The following CCDC42 variants were observed in gnomAD, a reference collection of about 807,000 sequenced individuals.
CCDC42 encodes coiled-coil domain-containing protein 42.
CCDC42 carries 38 observed loss-of-function variants against 40.8 expected under a neutral mutation model. The observed-to-expected ratio is 0.93, with a 90% CI of 0.72 to 1.22. The LOEUF (loss-of-function observed/expected upper bound fraction) is 1.22. Ranked by LOEUF, CCDC42 falls within the 50% of genes most tolerant of loss-of-function variation. CCDC42 has a pLI of 0.00. For synonymous variants in CCDC42, 135 were observed against 157.5 expected (o/e 0.86, Z 1.07); for missense variants, 379 against 416.5 (o/e 0.91, Z 0.78).
Position 8,744,166 on chromosome 17 carries a change from C to G in CCDC42, c.102G>C (p.Glu34Asp), listed in dbSNP as rs766350151. 2 of 1,613,702 alleles carry G rather than the reference C, an allele frequency of 1.2e-6. No homozygotes were observed. The highest frequency in any genetic ancestry group is 2.2e-5 in the South Asian group (2 of 91,008). The change falls in exon 2 of 7, where the codon GAG becomes GAC. Residue 34 changes from glutamate (E) to aspartate (D), a missense_variant. Physicochemically the swap from Glu to Asp is conservative, Grantham distance 45. Coordinates refer to ENST00000293845, the MANE Select transcript of CCDC42 (RefSeq NM_144681.3). Reference protein sequence around the residue: ...LQMLQKLPNVEGASESPSIWL... With the variant: ...LQMLQKLPNVDGASESPSIWL... ...AGATGGATGGGGACTCCGACGCCCC[C>G]TCAACATTGGGGAGTTTCCTGTCCA...
rs139413657 is a variant in CCDC42 at position 8,730,143 on chromosome 17, C to T, written c.938G>A (p.Arg313Gln). The T allele has an allele frequency of 4.3e-6, 7 of 1,613,750 alleles. No homozygotes were observed. Among genetic ancestry groups the T allele is most frequent in the African/African-American group, 2.7e-5 (2 of 74,908 alleles). The change falls in exon 7 of 7, where the codon CGA (arginine) becomes CAA (glutamine). Residue 313 changes from arginine (R) to glutamine (Q), a missense_variant. Arg to Gln is a conservative substitution (Grantham distance 43). Transcript: ENST00000293845. ...WAEVKKKEQQRVRI is the reference protein window; with the variant it reads ...WAEVKKKEQQQVRI The stretch of plus-strand genomic sequence containing the variant: ...AAGGCTGCCTCCTTAAATCCGGACT[C>T]GCTGTTGTTCCTTCTTTTTCACCTC...
chr17:8,742,153 A>G (rs2086649634), intron 3 of CCDC42, among the ~76,000 whole-genome samples: 1 of 152,052 alleles, frequency 6.6e-6, no homozygotes, highest in Non-Finnish European at 1.5e-5. Context: ...AGTGGTGGCC[A>G]TTTTCCATGG....
chr17:8,730,938 G>C (rs950763085), intron 6 of CCDC42, among the ~76,000 whole-genome samples: 6 of 152,214 alleles, frequency 3.9e-5, no homozygotes, highest in African/African-American at 1.4e-4. Context: ...GAAACCCAGA[G>C]CTGATGCTCA....
rs1410669413 is a variant in CCDC42, at chr17:8,735,447, A to T, written c.657T>A (p.Asn219Lys). ...EKDDEILQQN[N>K]ELARLQMRFD... ...AGCGCATCTGCAGCCTTGCCAGCTC[A>T]TTGTTTTGCTGCAGGATCTCATCAT... The change falls in exon 5 of 7, where the codon AAT (asparagine) becomes AAA (lysine). Residue 219 changes from asparagine to lysine, a missense_variant. Asn to Lys is a moderately conservative substitution (Grantham distance 94). Coordinates refer to ENST00000293845, the MANE Select transcript of CCDC42 (RefSeq NM_144681.3). This position sits in a 1 kb window ranked among gnomAD's most constrained non-coding sequence, Gnocchi z 4.7. 3 of 1,613,886 alleles carry T rather than the reference A, an allele frequency of 1.9e-6. No homozygotes were observed.
Position 8,744,103 on chromosome 17 carries a change from A to T in CCDC42, c.165T>A (p.His55Gln). 6.2e-7 allele frequency: 1 copy of T among 1,613,328 alleles called. No individual in the cohort carries two copies. Among genetic ancestry groups the T allele is most frequent in the Non-Finnish European group, 8.5e-7 (1 of 1,179,530 alleles). ...CCTTCTTCTTCTGCACCATAGTTTG[A>T]TGCATGATTTCTGTCTCCTTTTTCT... ...LEKKKETEIM[H>Q]QTMVQKKKMF... The change falls in exon 2 of 7, where the codon CAT (histidine) becomes CAA (glutamine). Residue 55 changes from histidine to glutamine, a missense_variant. His to Gln is a conservative substitution (Grantham distance 24). Coordinates refer to ENST00000293845, the MANE Select transcript of CCDC42 (RefSeq NM_144681.3).
At chr17:8,732,410 G>A (rs951812628) in intron 6 of CCDC42, among the ~76,000 whole-genome samples, 14 of 151,962 alleles carry the variant, frequency 9.2e-5, no homozygotes, top group African/African-American at 2.2e-4. Flanking sequence ...GCTGTCTCTG[G>A]AGATGGAACT....
At chr17:8,741,382 G>A in intron 4 of CCDC42, 92 bp downstream of exon 4, 1 of 1,298,190 alleles carries the variant, frequency 7.7e-7, no homozygotes, top group East Asian at 2.3e-5. Context: ...AGCCAGCTGA[G>A]CCTGAATTCC....
chr17:8,738,007 A>AT (rs1037440459), intron 4 of CCDC42, among the ~76,000 whole-genome samples: 2 of 127,478 alleles, frequency 1.6e-5, no homozygotes, highest in Non-Finnish European at 1.8e-5. Flanking sequence ...TTTTTTGCAG[A>AT]TTTGGGGGGG....
chr17:8,730,580 T>A (rs1450213220), intron 6 of CCDC42, among the ~76,000 whole-genome samples: 1 of 152,156 alleles, frequency 6.6e-6, no homozygotes, highest in Non-Finnish European at 1.5e-5. Flanking sequence ...CCTCAAGTGA[T>A]CCACCCGCCT....
Position 8,744,198 on chromosome 17 carries a change from GA to G in CCDC42, c.84-15del. 2.5e-6 allele frequency: 4 copies of G among 1,592,414 alleles called. No individual in the cohort carries two copies. The highest frequency in any genetic ancestry group is 3.4e-6 in the Non-Finnish European group (4 of 1,161,420). ...TTGGGGAGTTTCCTGTCCAAGATGTGAACGCGAGAGGGCTGTGTGTTCTGAC... is the reference window on the plus strand; with the variant it reads ...TTGGGGAGTTTCCTGTCCAAGATGTGACGCGAGAGGGCTGTGTGTTCTGAC... On this transcript the variant is annotated splice_polypyrimidine_tract_variant and intron_variant, in intron 1 of 6. Transcript: ENST00000293845.
intron 4 of CCDC42, among the ~76,000 whole-genome samples, chr17:8,737,134 G>A (rs1451207058): frequency 6.6e-6 from 1 of 152,190 alleles, no homozygotes; most frequent in East Asian, 1.9e-4. Context: ...ACCTTGGGAA[G>A]GAGTGTGGAC....
chr17:8,739,187 G>T (rs2086627811), intron 4 of CCDC42, among the ~76,000 whole-genome samples: 1 of 152,068 alleles, frequency 6.6e-6, no homozygotes, highest in Admixed American at 6.6e-5. Context: ...TCCAGACGAG[G>T]TACCACTGGT....
chr17:8,734,652 T>TG (rs2086599309), intron 6 of CCDC42, among the ~76,000 whole-genome samples: 1 of 152,144 alleles, frequency 6.6e-6, no homozygotes, highest in Admixed American at 6.5e-5. Flanking sequence ...CCACCGTGCC[T>TG]GGCCCCAATT....
intron 4 of CCDC42, among the ~76,000 whole-genome samples, chr17:8,740,216 G>A (rs990157663): frequency 6.6e-6 from 1 of 151,960 alleles, no homozygotes; most frequent in Non-Finnish European, 1.5e-5. Flanking sequence ...AAGAAAAGTG[G>A]AGGATCGCTC....
At chr17:8,744,468 G>A in intron 1 of CCDC42, 59 bp downstream of exon 1, 2 of 1,347,748 alleles carry the variant, frequency 1.5e-6, no homozygotes, top group South Asian at 2.3e-5. Context: ...TGAGGTATGG[G>A]GTGGGTGTGA....
chr17:8,737,519 A>G (rs745468850), intron 4 of CCDC42, among the ~76,000 whole-genome samples: 2 of 152,200 alleles, frequency 1.3e-5, no homozygotes, highest in South Asian at 4.1e-4. Context: ...AGACCCACAT[A>G]GTAATCAAAT....
At chr17:8,739,271 T>A (rs2086628170) in intron 4 of CCDC42, among the ~76,000 whole-genome samples, 1 of 152,122 alleles carries the variant, frequency 6.6e-6, no homozygotes, top group African/African-American at 2.4e-5. Flanking sequence ...ATCTGCTGAT[T>A]GATAGCTGTG....
At chr17:8,734,132 T>C (rs1340050274) in intron 6 of CCDC42, among the ~76,000 whole-genome samples, 6 of 152,184 alleles carry the variant, frequency 3.9e-5, no homozygotes, top group Non-Finnish European at 7.3e-5. Context: ...GCCACTCTTC[T>C]CACAAAACAG....
In CCDC42 at chr17:8,744,715, T is replaced by C; in HGVS notation, c.-106A>G. ...TGGTGGCTGCACTCTTGTTTCTCCC[T>C]TCGGCCTACAGGGTCCCACAGATGA... On this transcript the variant is annotated 5_prime_UTR_variant, in exon 1 of 7. Coordinates refer to ENST00000293845, the MANE Select transcript of CCDC42 (RefSeq NM_144681.3). 1 of 769,350 alleles carries C rather than the reference T, an allele frequency of 1.3e-6. No individual in the cohort carries two copies. Among genetic ancestry groups the C allele is most frequent in the Admixed American group, 2.0e-5 (1 of 50,514 alleles). The allele number at this position is 769,350 out of a possible 1,614,324, so 47.7% of individuals were successfully genotyped here.
Sources: allele counts gnomAD v4.1 joint callset (sites outside exome capture counted in the v4.1 genomes callset), GRCh38; gene constraint gnomAD v4.1.1; non-coding constraint Gnocchi (gnomAD v3.1); transcripts MANE v1.5; gene names NCBI Gene and HGNC (gene_info 2026-07-23, HGNC 2026-07-21).